The following EGFR variants were observed in gnomAD, a reference collection of about 807,000 sequenced individuals.
EGFR encodes epidermal growth factor receptor, also known as avian erythroblastic leukemia viral (v-erb-b) oncogene homolog.
Under a neutral mutation model 143.0 loss-of-function variants are expected in EGFR, and 58 were observed. The ratio of observed to expected loss-of-function variants is 0.41; its 90% CI spans 0.33 to 0.50. The LOEUF is 0.50. EGFR is among the 20% of genes least tolerant of loss of function. The probability of loss-of-function intolerance (pLI) is 0.39; values close to 1 mark genes in which losing one functional copy is unlikely to be tolerated. For synonymous variants in EGFR, 613 were observed against 594.4 expected, an observed-to-expected ratio of 1.03 and a Z score of -0.45; for missense variants, 1,307 against 1,579.0, an observed-to-expected ratio of 0.83 and a Z score of 2.92.
rs78445787 is a variant in EGFR, at chr7:55,046,002, T to A, written c.88+26637T>A. Among the ~76,000 whole-genome samples the A allele has an allele frequency of 6.4e-4, 97 of 152,348 alleles. No individual in the cohort carries two copies. In the East Asian group the frequency reaches 9.6e-3, roughly 15 times the overall value. The stretch of plus-strand genomic sequence containing the variant: ...TGTTGAAATGAAAATATTTGGGACA[T>A]ATTGAGTTAAATAAAACAGGAGATT... On this transcript the variant is annotated intron_variant, in intron 1 of 27. Transcript: ENST00000275493.
At chr7:55,178,359 C>T (rs1035868618) in intron 19 of EGFR, among the ~76,000 whole-genome samples, 9 of 152,284 alleles carry the variant, frequency 5.9e-5, no homozygotes, top group Admixed American at 1.3e-4. Context: ...TGGAAGGGAA[C>T]GCAAAACAGA....
intron 10 of EGFR, among the ~76,000 whole-genome samples, chr7:55,157,261 C>T (rs948553038): frequency 6.6e-6 from 1 of 152,202 alleles, no homozygotes; most frequent in African/African-American, 2.4e-5. Context: ...GAAGATTAGA[C>T]CAAAATAACA....
chr7:55,073,093 G>A (rs17586365), intron 1 of EGFR, among the ~76,000 whole-genome samples: 17,760 of 152,198 alleles, frequency 0.12, 1,129 homozygotes, highest in Non-Finnish European at 0.14. Flanking sequence ...CCCTTGGAAT[G>A]AAGCAAATAT....
At chr7:55,046,587 GAAA>G (rs11337454) in intron 1 of EGFR, among the ~76,000 whole-genome samples, 4 of 133,690 alleles carry the variant, frequency 3.0e-5, no homozygotes, top group East Asian at 4.1e-4. Context: ...GATGTTCTTG[GAAA>G]AAAAAAAAAA....
At chr7:55,097,515 C>A (rs918090234) in intron 1 of EGFR, among the ~76,000 whole-genome samples, 6 of 152,210 alleles carry the variant, frequency 3.9e-5, no homozygotes, top group Admixed American at 2.0e-4. Flanking sequence ...TACTGAAGCC[C>A]CTTCCAAGGC....
intron 20 of EGFR, among the ~76,000 whole-genome samples, chr7:55,189,315 G>A (rs1287849988): frequency 3.3e-5 from 5 of 152,178 alleles, no homozygotes; most frequent in Admixed American, 6.5e-5. Flanking sequence ...GTCATCTAAC[G>A]AGGTGGTCGT....
intron 10 of EGFR, chr7:55,157,056 C>A: frequency 8.6e-7 from 1 of 1,156,634 alleles, no homozygotes; most frequent in African/African-American, 1.6e-5. Context: ...AACACGCTTT[C>A]TCCCTCCCGC....
In EGFR at chr7:55,165,522, A is replaced by G. The variant is rs913243860; in HGVS notation, c.1880+85A>G. On this transcript the variant is annotated intron_variant, in intron 15 of 27. Transcript: ENST00000275493. ...ATGTCTCCCAAGTTTTCCGGCAACA[A>G]ATTGCCGAGGTTTGTATTTGAGTCA... 54 of 1,520,722 alleles carry G rather than the reference A, an allele frequency of 3.6e-5. No individual in the cohort carries two copies. The African/African-American group carries it at 5.7e-4, about 16-fold the overall frequency. The allele number at this position is 1,520,722 out of a possible 1,614,324, so 94.2% of individuals were successfully genotyped here.
chr7:55,141,455 A>T (rs1794451986), intron 1 of EGFR, among the ~76,000 whole-genome samples: 1 of 152,194 alleles, frequency 6.6e-6, no homozygotes, highest in Admixed American at 6.5e-5. Flanking sequence ...ACAAGATTGT[A>T]TGCTGGTGGT....
At chr7:55,154,241 G>A (rs1785299507) in intron 7 of EGFR, 89 bp downstream of exon 7, 5 of 1,593,420 alleles carry the variant, frequency 3.1e-6, no homozygotes, top group South Asian at 1.1e-5. Flanking sequence ...CCATCTTGGA[G>A]AGTCTTTGGG....
chr7:55,200,602 G>T lies in EGFR; in HGVS notation c.2946+189G>T, dbSNP rs1000822162. 4.5e-6 allele frequency: 3 copies of T among 659,888 alleles called. No homozygotes were observed. In the African/African-American group the frequency reaches 5.3e-5, roughly 12 times the overall value. 40.9% of individuals were successfully genotyped at this position (659,888 alleles called of 1,614,324 possible). On this transcript the variant is annotated intron_variant, in intron 24 of 27. Transcript: ENST00000275493. ...TGAACTAAGCAGCATCCGTGAGTGG[G>T]GCCCACCCAACTCCATCTCCCCCTC...
intron 15 of EGFR, among the ~76,000 whole-genome samples, chr7:55,166,016 A>G (rs993863736): frequency 1.3e-5 from 2 of 152,028 alleles, no homozygotes; most frequent in African/African-American, 4.8e-5. Context: ...CACCTCTACT[A>G]AAAATACACC....
chr7:55,075,958 G>A (rs537790197), intron 1 of EGFR, among the ~76,000 whole-genome samples: 21 of 152,274 alleles, frequency 1.4e-4, no homozygotes, highest in South Asian at 4.1e-4. Flanking sequence ...AGCACATCGC[G>A]TGGAAATTTC....
In EGFR at chr7:55,181,323, C is replaced by G. The variant is rs746677478; in HGVS notation, c.2314C>G (p.Pro772Ala). 4 of 1,614,228 alleles carry G rather than the reference C, an allele frequency of 2.5e-6. No homozygotes were observed. The South Asian group carries it at 4.4e-5, about 18-fold the overall frequency. Residue 772 changes from proline (P) to alanine (A), a missense_variant, in exon 20 of 28, where the codon CCC (proline) becomes GCC (alanine). Transcript: ENST00000275493. ...CTACGTGATGGCCAGCGTGGACAACCCCCACGTGTGCCGCCTGCTGGGCAT... is the reference window on the plus strand; with the variant it reads ...CTACGTGATGGCCAGCGTGGACAACGCCCACGTGTGCCGCCTGCTGGGCAT... ...EAYVMASVDN[P>A]HVCRLLGICL...
chr7:55,023,374 G>A (rs1042294184), intron 1 of EGFR, among the ~76,000 whole-genome samples: 1 of 152,288 alleles, frequency 6.6e-6, no homozygotes, highest in African/African-American at 2.4e-5. Flanking sequence ...TCTGGGCCGG[G>A]CATGGTGGCT....
At chr7:55,112,517 G>T (rs1051244016) in intron 1 of EGFR, among the ~76,000 whole-genome samples, 1 of 152,226 alleles carries the variant, frequency 6.6e-6, no homozygotes, top group African/African-American at 2.4e-5. Flanking sequence ...GCCTGGTGTG[G>T]CCAGGGGCTG....
At chr7:55,114,879 CT>C (rs777244842) in intron 1 of EGFR, among the ~76,000 whole-genome samples, 16,068 of 122,666 alleles carry the variant, frequency 0.13, 594 homozygotes, top group South Asian at 0.26. Context: ...TTGTATTATT[CT>C]TTTTTTTTTT....
At chr7:55,170,754 CAG>C in intron 15 of EGFR, 1 of 1,458,594 alleles carries the variant, frequency 6.9e-7, no homozygotes, top group Non-Finnish European at 9.0e-7. Flanking sequence ...CAGAATTTGT[CAG>C]AAACCTGCAG....
At chr7:55,188,409 T>C (rs980342541) in intron 20 of EGFR, among the ~76,000 whole-genome samples, 3 of 152,184 alleles carry the variant, frequency 2.0e-5, no homozygotes, top group Non-Finnish European at 4.4e-5. Flanking sequence ...CCTGCCAGAA[T>C]AAGCCCCGAC....
Sources: gnomAD v4.1 joint callset for allele counts (sites outside exome capture counted in the v4.1 genomes callset) on GRCh38, gnomAD v4.1.1 for gene constraint, MANE v1.5 for transcripts, NCBI Gene and HGNC (gene_info 2026-07-23, HGNC 2026-07-21) for gene names.